Variants in PPHLN1 observed in about 807,000 individuals in gnomAD.
PPHLN1 encodes the protein periphilin-1.
PPHLN1 carries 29 observed loss-of-function variants against 51.3 expected under a neutral mutation model. The observed-to-expected ratio is 0.57, with a 90% CI of 0.42 to 0.77. The LOEUF (loss-of-function observed/expected upper bound fraction) is 0.77, where lower values mean the gene tolerates loss of function less well. Among genes scored for constraint, PPHLN1 ranks in the 30% least tolerant of loss-of-function variants. The pLI is 0.00. For synonymous variants in PPHLN1, 147 were observed against 147.8 expected (o/e 0.99, Z 0.04); for missense variants, 436 against 438.4 (o/e 0.99, Z 0.05).
rs375732714 is a variant in PPHLN1, at chr12:42,374,766, T to G, written c.300-97T>G. On this transcript the variant is annotated intron_variant, in intron 4 of 9. Coordinates refer to ENST00000358314, the MANE Select transcript of PPHLN1 (RefSeq NM_201439.2). Reference sequence around the variant, plus strand: ...ACCGCACCCGGCCCCAAGAGTACAATTTAAAGGGTAGCTTATAAGCAGAGC... The same window carrying G: ...ACCGCACCCGGCCCCAAGAGTACAAGTTAAAGGGTAGCTTATAAGCAGAGC... The G allele has an allele frequency of 2.8e-6, 3 of 1,067,912 alleles. No homozygotes were observed. The South Asian group carries it at 5.0e-5, about 18-fold the overall frequency. 66.2% of individuals were successfully genotyped at this position (1,067,912 alleles called of 1,614,324 possible).
chr12:42,405,331 G>A (rs1288945887), intron 9 of PPHLN1, among the ~76,000 whole-genome samples: 3 of 152,158 alleles, frequency 2.0e-5, no homozygotes, highest in Non-Finnish European at 4.4e-5. Context: ...TGCCAGGAGA[G>A]AACAAATGTG....
rs1565985100 is a variant in PPHLN1 at position 42,416,580 on chromosome 12, A to G, written c.909+17586A>G. On this transcript the variant is annotated intron_variant, in intron 9 of 9. Coordinates refer to ENST00000358314, the MANE Select transcript of PPHLN1 (RefSeq NM_201439.2). ...TAAGATTCAAGAATATGCTAGAACA[A>G]CTCACGGAATTCAGGAGAGTGTTAT... 2.6e-5 allele frequency among the ~76,000 whole-genome samples: 4 copies of G among 152,108 alleles called. 1 individual carries two copies. The South Asian group carries it at 6.2e-4, about 24-fold the overall frequency.
intron 8 of PPHLN1, among the ~76,000 whole-genome samples, chr12:42,396,489 T>C (rs1300963804): frequency 6.6e-6 from 1 of 151,822 alleles, no homozygotes; most frequent in Non-Finnish European, 1.5e-5. Flanking sequence ...CTTTTGGTTG[T>C]CAGAATGAAA....
At chr12:42,382,599 A>G (rs2098136696) in intron 5 of PPHLN1, among the ~76,000 whole-genome samples, 1 of 152,218 alleles carries the variant, frequency 6.6e-6, no homozygotes, top group South Asian at 2.1e-4. Flanking sequence ...AGGCAGAACA[A>G]TGAGTGAAAG....
At chr12:42,407,908 A>C (rs944057097) in intron 9 of PPHLN1, among the ~76,000 whole-genome samples, 1 of 152,110 alleles carries the variant, frequency 6.6e-6, no homozygotes, top group Non-Finnish European at 1.5e-5. Flanking sequence ...AATATTTTTG[A>C]TCTGTGGTTT....
At chr12:42,349,685 G>C (rs1226243558) in intron 2 of PPHLN1, among the ~76,000 whole-genome samples, 2 of 152,092 alleles carry the variant, frequency 1.3e-5, no homozygotes, top group Non-Finnish European at 2.9e-5. Context: ...TTAACCCTGA[G>C]TTGACACAGC....
intron 9 of PPHLN1, among the ~76,000 whole-genome samples, chr12:42,407,945 G>T (rs926041424): frequency 2.6e-5 from 4 of 152,130 alleles, no homozygotes; most frequent in Non-Finnish European, 5.9e-5. Context: ...GAAACCCATA[G>T]ATACTCAGAG....
chr12:42,437,619 A>G (rs892046810), intron 9 of PPHLN1, among the ~76,000 whole-genome samples: 1 of 152,194 alleles, frequency 6.6e-6, no homozygotes, highest in Non-Finnish European at 1.5e-5. Flanking sequence ...TTCCCCTATT[A>G]TTAACATTTT....
At chr12:42,348,072 A>AT (rs1479213663) in intron 2 of PPHLN1, among the ~76,000 whole-genome samples, 4 of 151,804 alleles carry the variant, frequency 2.6e-5, no homozygotes, top group East Asian at 3.9e-4. Context: ...CTGTCATTGA[A>AT]TTTTTGTTTT....
At chr12:42,425,568 T>A (rs1024204061) in intron 9 of PPHLN1, among the ~76,000 whole-genome samples, 1 of 151,286 alleles carries the variant, frequency 6.6e-6, no homozygotes, top group African/African-American at 2.4e-5. Flanking sequence ...TGTGTTTTTT[T>A]AGTAGAGATG....
intron 9 of PPHLN1, chr12:42,431,829 T>TA: frequency 7.2e-7 from 1 of 1,391,794 alleles, no homozygotes; most frequent in Non-Finnish European, 1.0e-6. Context: ...TTCAATCACA[T>TA]ATTTTGCCTA....
At chr12:42,340,544 C>A (rs1459942604) in intron 2 of PPHLN1, among the ~76,000 whole-genome samples, 1 of 152,096 alleles carries the variant, frequency 6.6e-6, no homozygotes, top group African/African-American at 2.4e-5. Context: ...ATAAACTTCA[C>A]AAATATAATA....
At chr12:42,384,804 G>A in intron 5 of PPHLN1, 136 bp from the exon 6 acceptor site, 1 of 694,488 alleles carries the variant, frequency 1.4e-6, no homozygotes, top group Non-Finnish European at 2.4e-6. Context: ...TTGAAAGTAG[G>A]GTAGGAAAGA....
chr12:42,436,688 C>T (rs780430493), intron 9 of PPHLN1, among the ~76,000 whole-genome samples: 30 of 152,222 alleles, frequency 2.0e-4, no homozygotes, highest in South Asian at 8.3e-4. Flanking sequence ...CCTGTGTATA[C>T]TCTGTTTTAC....
intron 9 of PPHLN1, among the ~76,000 whole-genome samples, chr12:42,420,167 C>A (rs921550355): frequency 1.3e-5 from 2 of 152,078 alleles, no homozygotes; most frequent in Non-Finnish European, 2.9e-5. Flanking sequence ...GCTTTCCTGT[C>A]ACACCTACAC....
chr12:42,355,334 A>T (rs1168071435), intron 4 of PPHLN1, 112 bp downstream of exon 4: 1 of 926,880 alleles, frequency 1.1e-6, no homozygotes, highest in South Asian at 1.4e-5. Flanking sequence ...TGGGATTTTA[A>T]ATTTTGAAAG....
chr12:42,340,393 A>G (rs1260761120), intron 2 of PPHLN1, among the ~76,000 whole-genome samples: 5 of 152,064 alleles, frequency 3.3e-5, no homozygotes, highest in African/African-American at 1.2e-4. Flanking sequence ...TATCATATTG[A>G]TGTATATGAG....
At chr12:42,355,071 T>C in intron 3 of PPHLN1, 90 bp from the exon 4 acceptor site, 1 of 1,180,590 alleles carries the variant, frequency 8.5e-7, no homozygotes, top group Non-Finnish European at 1.3e-6. Context: ...TTTAGGGAAA[T>C]TCGGTCTAGT....
chr12:42,403,600 T>C (rs1592758723), intron 9 of PPHLN1, among the ~76,000 whole-genome samples: 1 of 152,318 alleles, frequency 6.6e-6, no homozygotes, highest in Admixed American at 6.5e-5. Flanking sequence ...GTGGGAAGCT[T>C]GATGAATCTG....
Sources: allele counts gnomAD v4.1 joint callset (sites outside exome capture counted in the v4.1 genomes callset), GRCh38; gene constraint gnomAD v4.1.1; transcripts MANE v1.5; gene names NCBI Gene and HGNC (gene_info 2026-07-23, HGNC 2026-07-21).